LILRA2: variants seen among roughly 807,000 people sequenced by gnomAD.
LILRA2 encodes the protein leukocyte immunoglobulin-like receptor subfamily A member 2.
A neutral mutation model predicts 47.9 loss-of-function variants in LILRA2; 45 were observed. The ratio of observed to expected loss-of-function variants is 0.94; its 90% confidence interval spans 0.74 to 1.20. The LOEUF is 1.20. Ranked by LOEUF, LILRA2 falls within the 50% of genes most tolerant of loss-of-function variation. LILRA2 has a pLI of 0.00. For synonymous variants in LILRA2, 279 were observed against 249.2 expected (o/e 1.12, Z -1.13); for missense variants, 651 against 598.2 (o/e 1.09, Z -0.92).
At chr19:54,584,782 G>T (rs1403873234) in intron 6 of LILRA2, among the ~76,000 whole-genome samples, 1 of 152,078 alleles carries the variant, frequency 6.6e-6, no homozygotes, top group East Asian at 1.9e-4. Flanking sequence ...CCATCAACTT[G>T]TCAAACTCAT....
At position 54,587,373 on chromosome 19, in the gene LILRA2, A is replaced by T; in HGVS notation, c.*27A>T. 6.2e-7 allele frequency: 1 copy of T among 1,613,962 alleles called. No individual in the cohort carries two copies. Among genetic ancestry groups the T allele is most frequent in the South Asian group, 1.1e-5 (1 of 91,064 alleles). ...CAGCAGAGAGGACAATGCATCCTTC[A>T]GCGTGGTGGAGCCTCAGGGACAGAT... On this transcript the variant is annotated 3_prime_UTR_variant, in exon 8 of 8. Coordinates refer to ENST00000391738, the MANE Select transcript of LILRA2 (RefSeq NM_001130917.3).
rs1284609947 is a variant in LILRA2, at chr19:54,580,195, TTC to T, written c.1255+4088_1255+4089del. Among the ~76,000 whole-genome samples the T allele has an allele frequency of 4.7e-3, 643 of 135,700 alleles. 27 individuals carry two copies. Among genetic ancestry groups the T allele is most frequent in the Admixed American group, 0.039 (529 of 13,740 alleles). The allele number at this position is 135,700 out of a possible 152,430, so 89.0% of individuals were successfully genotyped here. A position where few individuals can be genotyped will look rare whatever the true frequency, so the allele number is the denominator to read the frequency against. On this transcript the variant is annotated intron_variant, in intron 6 of 7. Transcript: ENST00000391738. ...ATTCTTGTCTTGTGCCGGTTTTCTT[TTC>T]TTTTTTTTTTTTTTTTATTATACTC...
chr19:54,587,385 C>A lies in LILRA2; in HGVS notation c.*39C>A, dbSNP rs1446501586. Reference sequence around the variant, plus strand: ...CAATGCATCCTTCAGCGTGGTGGAGCCTCAGGGACAGATCTGATGATCCCA... The same window carrying A: ...CAATGCATCCTTCAGCGTGGTGGAGACTCAGGGACAGATCTGATGATCCCA... On this transcript the variant is annotated 3_prime_UTR_variant, in exon 8 of 8. Coordinates refer to ENST00000391738, the MANE Select transcript of LILRA2 (RefSeq NM_001130917.3). 6.2e-7 allele frequency: 1 copy of A among 1,613,320 alleles called. No individual in the cohort carries two copies. The highest frequency in any genetic ancestry group is 1.7e-5 in the Admixed American group (1 of 59,970).
intron 6 of LILRA2, among the ~76,000 whole-genome samples, chr19:54,582,588 G>C (rs1411318492): frequency 6.6e-6 from 1 of 152,186 alleles, no homozygotes; most frequent in South Asian, 2.1e-4. Flanking sequence ...ATTCTCTGAT[G>C]GTAGTTTGTA....
chr19:54,587,184 G>A lies in LILRA2; in HGVS notation c.1307-17G>A, dbSNP rs777173691. On this transcript the variant is annotated splice_polypyrimidine_tract_variant and intron_variant, in intron 7 of 7. Transcript: ENST00000391738. ...GTGATTCCGATCTGCCCTGACCTCTGTGACCTCTTTGTCCAGCATCCCTAG... is the reference window on the plus strand; with the variant it reads ...GTGATTCCGATCTGCCCTGACCTCTATGACCTCTTTGTCCAGCATCCCTAG... 5 of 1,614,054 alleles carry A rather than the reference G, an allele frequency of 3.1e-6. No individual in the cohort carries two copies. Among genetic ancestry groups the A allele is most frequent in the Non-Finnish European group, 4.2e-6 (5 of 1,179,986 alleles).
rs1036822810 is a variant in LILRA2, at chr19:54,575,346, G to A, written c.746G>A (p.Gly249Asp). Residue 249 changes from glycine (G) to aspartate (D), a missense_variant, in exon 5 of 8, where the codon GGC (glycine) becomes GAC (aspartate). Physicochemically the swap from Gly to Asp is moderately conservative, Grantham distance 94 (BLOSUM62 -1). Coordinates refer to ENST00000391738, the MANE Select transcript of LILRA2 (RefSeq NM_001130917.3). ...ACCCTCCAGTGTGTCTCTGATGTCG[G>A]CTACGACAGATTTGTTCTGTATAAG... Reference protein sequence around the residue: ...SLTLQCVSDVGYDRFVLYKEG... With the variant: ...SLTLQCVSDVDYDRFVLYKEG... 2 of 1,614,118 alleles carry A rather than the reference G, an allele frequency of 1.2e-6. No homozygotes were observed. The highest frequency in any genetic ancestry group is 1.1e-5 in the South Asian group (1 of 91,090).
chr19:54,574,709 A>C (rs747701559), intron 3 of LILRA2, 22 bp from the exon 4 acceptor site: 7 of 1,611,774 alleles, frequency 4.3e-6, no homozygotes, highest in Non-Finnish European at 5.9e-6. Flanking sequence ...CCCATTTAAC[A>C]CAGTGCCTCC....
At position 54,576,110 on chromosome 19, in the gene LILRA2, G is replaced by A. The variant is rs556211047; in HGVS notation, c.1255+1G>A. 1.2e-6 allele frequency: 2 copies of A among 1,614,156 alleles called. No individual in the cohort carries two copies. The highest frequency in any genetic ancestry group is 1.7e-6 in the Non-Finnish European group (2 of 1,179,980). ...GACCCCCTGGAGCTCGTGGTCTCAG[G>A]TGAGGGCCCTGATCTTGTCCTCTCC... On this transcript the variant is annotated splice_donor_variant, in intron 6 of 7. Transcript: ENST00000391738. LOFTEE classifies it high-confidence loss of function.
chr19:54,577,923 T>C (rs1407426194), intron 6 of LILRA2, among the ~76,000 whole-genome samples: 4 of 152,108 alleles, frequency 2.6e-5, no homozygotes, highest in Non-Finnish European at 5.9e-5. Flanking sequence ...AGTCTTGATT[T>C]AATTTATACA....
intron 3 of LILRA2, 45 bp downstream of exon 3, chr19:54,574,627 G>T (rs2062308158): frequency 6.2e-7 from 1 of 1,607,238 alleles, no homozygotes; most frequent in African/African-American, 1.3e-5. Flanking sequence ...CTGCCCTCAG[G>T]AAGGGGGTCG....
intron 6 of LILRA2, among the ~76,000 whole-genome samples, chr19:54,576,547 T>A (rs1458229823): frequency 3.3e-5 from 5 of 152,278 alleles, no homozygotes; most frequent in African/African-American, 1.2e-4. Context: ...CAGGGTCTGA[T>A]TTCCAGGGCA....
chr19:54,585,417 T>A (rs1442433717), intron 6 of LILRA2, among the ~76,000 whole-genome samples: 1 of 152,200 alleles, frequency 6.6e-6, no homozygotes, highest in East Asian at 1.9e-4. Context: ...CAGTAGGCCT[T>A]GCTGAGCTGT....
chr19:54,588,375 A>C lies in LILRA2; in HGVS notation c.*1029A>C, dbSNP rs1255567647. The C allele has an allele frequency of 6.6e-6, 1 of 151,410 alleles. No individual in the cohort carries two copies. The highest frequency in any genetic ancestry group is 1.5e-5 in the Non-Finnish European group (1 of 67,932). 9.4% of individuals were successfully genotyped at this position (151,410 alleles called of 1,614,324 possible). On this transcript the variant is annotated 3_prime_UTR_variant, in exon 8 of 8. Coordinates refer to ENST00000391738, the MANE Select transcript of LILRA2 (RefSeq NM_001130917.3). ...TCCCAGCACTTTGGGAGGCCAAGGC[A>C]GGCAGATCACGAGGTCAGGAGATCT...
chr19:54,575,444 C>G lies in LILRA2; in HGVS notation c.844C>G (p.Leu282Val), dbSNP rs540507002. The G allele has an allele frequency of 9.5e-5, 153 of 1,613,976 alleles. No homozygotes were observed. The East Asian group carries it at 3.3e-3, about 35-fold the overall frequency. ...TGGGCTCTCCCAGGCCAACTTCACCCTGGGCCCTGTGAGCCCCTCCCACGG... is the reference window on the plus strand; with the variant it reads ...TGGGCTCTCCCAGGCCAACTTCACCGTGGGCCCTGTGAGCCCCTCCCACGG... ...QAGLSQANFTLGPVSPSHGGQ... is the reference protein window; with the variant it reads ...QAGLSQANFTVGPVSPSHGGQ... Residue 282 changes from leucine (L) to valine (V), a missense_variant, in exon 5 of 8, where the codon CTG (leucine) becomes GTG (valine). By Grantham distance (32) the Leu-to-Val change is conservative. Coordinates refer to ENST00000391738, the MANE Select transcript of LILRA2 (RefSeq NM_001130917.3).
chr19:54,585,562 A>G (rs1469857512), intron 6 of LILRA2, among the ~76,000 whole-genome samples: 1 of 152,208 alleles, frequency 6.6e-6, no homozygotes, highest in African/African-American at 2.4e-5. Context: ...CTGCGCTAGC[A>G]GTGAGCAAGG....
Position 54,587,065 on chromosome 19 carries a change from G to A in LILRA2, c.1306+5G>A, listed in dbSNP as rs1254655661. On this transcript the variant is annotated splice_donor_5th_base_variant and intron_variant, in intron 7 of 7. Coordinates refer to ENST00000391738, the MANE Select transcript of LILRA2 (RefSeq NM_001130917.3). The stretch of plus-strand genomic sequence containing the variant: ...ACAAGACAGACTCCACGACTAGTGA[G>A]TGAGGAGATGCTCTCAGTTATGGGA... The A allele has an allele frequency of 1.9e-6, 3 of 1,613,646 alleles. No individual in the cohort carries two copies. The highest frequency in any genetic ancestry group is 2.5e-6 in the Non-Finnish European group (3 of 1,179,586).
Position 54,574,595 on chromosome 19 carries a change from T to TC in LILRA2, c.352+14dup. The TC allele has an allele frequency of 6.2e-7, 1 of 1,613,178 alleles. No homozygotes were observed. Among genetic ancestry groups the TC allele is most frequent in the Middle Eastern group, 1.7e-4 (1 of 6,050 alleles). On this transcript the variant is annotated intron_variant, in intron 3 of 7. Coordinates refer to ENST00000391738, the MANE Select transcript of LILRA2 (RefSeq NM_001130917.3). ...CTGGTGGTGACAGGTGAGAGGACAC[T>TC]CAGGAGTCCCAGCCCCAGGCTCTGC...
At chr19:54,573,338 C>A, upstream of LILRA2, 1 of 653,960 alleles carries the variant, frequency 1.5e-6, no homozygotes, top group South Asian at 1.5e-5. Context: ...AGCTACACAG[C>A]CAGGTGTCAG....
rs149969274 is a variant in LILRA2, at chr19:54,575,470, G to A, written c.870G>A (p.Gly290=). Residue 290 remains glycine (G), a synonymous_variant, in exon 5 of 8, where the codon GGG becomes GGA. Coordinates refer to ENST00000391738, the MANE Select transcript of LILRA2 (RefSeq NM_001130917.3). ...FTLGPVSPSH[G]GQYRCYSAHN... is the part of the protein sequence containing the mutation. ...TGGGCCCTGTGAGCCCCTCCCACGG[G>A]GGCCAGTACAGATGCTACAGTGCAC... 477 of 1,613,504 alleles carry A rather than the reference G, an allele frequency of 3.0e-4. No individual in the cohort carries two copies. Among genetic ancestry groups the A allele is most frequent in the Non-Finnish European group, 3.9e-4 (456 of 1,179,952 alleles).
Sources: allele counts gnomAD v4.1 joint callset (sites outside exome capture counted in the v4.1 genomes callset), GRCh38; gene constraint gnomAD v4.1.1; transcripts MANE v1.5; gene names NCBI Gene and HGNC (gene_info 2026-07-23, HGNC 2026-07-21).